GEN1: variants seen among roughly 807,000 people sequenced by gnomAD.
The protein encoded by GEN1 is flap endonuclease GEN homolog 1.
In GEN1, 64 loss-of-function variants were observed where a neutral mutation model predicts 67.6. The ratio of observed to expected loss-of-function variants is 0.95; its 90% CI spans 0.77 to 1.17. The LOEUF is 1.17. Among genes scored for constraint, GEN1 ranks in the 50% most tolerant of loss-of-function variants. The pLI is 0.00. For missense variants in GEN1, 1,058 were observed against 1,048.3 expected (o/e 1.01, Z -0.13); for synonymous variants, 371 against 359.4 (o/e 1.03, Z -0.37).
chr2:17,764,058 A>G (rs143518306), intron 3 of GEN1, among the ~76,000 whole-genome samples: 17 of 152,362 alleles, frequency 1.1e-4, no homozygotes, highest in Admixed American at 3.9e-4. Context: ...GAACTAGGCT[A>G]TAAGGCCAGA....
rs867941435 is a variant in GEN1 at position 17,778,448 on chromosome 2, A to G, written c.1264+385A>G. Among the ~76,000 whole-genome samples the G allele has an allele frequency of 7.4e-4, 56 of 75,950 alleles. 19 individuals are homozygous for G. The highest frequency in any genetic ancestry group is 1.2e-3 in the Non-Finnish European group (48 of 38,608). 49.8% of individuals were successfully genotyped at this position (75,950 alleles called of 152,430 possible). A position where few individuals can be genotyped will look rare whatever the true frequency, so the allele number is the denominator to read the frequency against. ...CATATATGTATATACACACACATATATGTGTGTACATATATGTATATACAC... is the reference window on the plus strand; with the variant it reads ...CATATATGTATATACACACACATATGTGTGTGTACATATATGTATATACAC... On this transcript the variant is annotated intron_variant, in intron 12 of 13. Transcript: ENST00000381254.
chr2:17,780,230 T>C (rs780863736), intron 13 of GEN1, 109 bp downstream of exon 13: 4 of 842,908 alleles, frequency 4.7e-6, no homozygotes, highest in Non-Finnish European at 7.4e-6. Context: ...ATCTATAAAC[T>C]CAAAAGTCAA....
chr2:17,780,334 C>G lies in GEN1; in HGVS notation c.1408+213C>G, dbSNP rs61041088. Reference sequence around the variant, plus strand: ...TCTGTTCTGTCTACTAACTTAGACACGTGTTAATAATAATAGTTATACTGA... The same window carrying G: ...TCTGTTCTGTCTACTAACTTAGACAGGTGTTAATAATAATAGTTATACTGA... On this transcript the variant is annotated intron_variant, in intron 13 of 13. Coordinates refer to ENST00000381254, the MANE Select transcript of GEN1 (RefSeq NM_001130009.3). 0.013 allele frequency among the ~76,000 whole-genome samples: 1,995 copies of G among 152,268 alleles called. 24 individuals are homozygous for G. Among genetic ancestry groups the G allele is most frequent in the African/African-American group, 0.031 (1,292 of 41,568 alleles).
At chr2:17,779,875 C>G in intron 12 of GEN1, 103 bp from the exon 13 acceptor site, 1 of 890,038 alleles carries the variant, frequency 1.1e-6, no homozygotes, top group Non-Finnish European at 1.7e-6. Flanking sequence ...CCGCCTTGGC[C>G]TCCCAAAATG....
chr2:17,767,809 G>A (rs1277138062), intron 5 of GEN1, among the ~76,000 whole-genome samples: 1 of 152,132 alleles, frequency 6.6e-6, no homozygotes, highest in Non-Finnish European at 1.5e-5. Flanking sequence ...TCTACTTAAA[G>A]ACTTTTAAGA....
Position 17,781,241 on chromosome 2 carries a change from C to T in GEN1, c.2029C>T (p.Arg677Ter), listed in dbSNP as rs749851344. The T allele has an allele frequency of 2.0e-5, 32 of 1,613,358 alleles. No homozygotes were observed. The East Asian group carries it at 4.5e-4, about 22-fold the overall frequency. The change falls in exon 14 of 14, where the codon CGA becomes TGA. Residue 677 changes from arginine (R) to a stop codon, truncating the protein, a stop_gained. Transcript: ENST00000381254. LOFTEE classifies it low-confidence loss of function (END_TRUNC). ...LCLQDLPLKE[R>*]IFTKLSYPQD... ...TCTTCAGGATTTGCCTTTAAAGGAA[C>T]GAATATTTACAAAATTATCATATCC...
chr2:17,786,639 A>G lies in GEN1; in HGVS notation c.*4700A>G, dbSNP rs1297291499. On this transcript the variant is annotated 3_prime_UTR_variant, in exon 14 of 14. Transcript: ENST00000381254. ...ATCTCCTAATTCATGAGTGAAAACA[A>G]TTCTCTGTATTTATGTTTCCATACA... is the stretch of plus-strand genomic sequence containing the variant. 6.6e-6 allele frequency: 1 copy of G among 152,204 alleles called. No homozygotes were observed. Among genetic ancestry groups the G allele is most frequent in the East Asian group, 1.9e-4 (1 of 5,194 alleles). 9.4% of individuals were successfully genotyped at this position (152,204 alleles called of 1,614,324 possible).
intron 7 of GEN1, 142 bp downstream of exon 7, chr2:17,771,429 A>C: frequency 1.6e-6 from 1 of 613,850 alleles, no homozygotes; most frequent in Non-Finnish European, 2.9e-6. Flanking sequence ...AATTCCTTGC[A>C]GTCAGTTTTG....
At chr2:17,778,200 ATATG>A (rs879235133) in intron 12 of GEN1, 137 bp downstream of exon 12, 1 of 381,700 alleles carries the variant, frequency 2.6e-6, no homozygotes, top group Non-Finnish European at 4.8e-6. Context: ...ACACACACAT[ATATG>A]TGTATATATA....
Position 17,782,712 on chromosome 2 carries a change from A to G in GEN1, c.*773A>G, listed in dbSNP as rs1163035712. 2 of 152,252 alleles carry G rather than the reference A, an allele frequency of 1.3e-5. No homozygotes were observed. Among genetic ancestry groups the G allele is most frequent in the Non-Finnish European group, 2.9e-5 (2 of 68,042 alleles). The allele number at this position is 152,252 out of a possible 1,614,324, so 9.4% of individuals were successfully genotyped here. On this transcript the variant is annotated 3_prime_UTR_variant, in exon 14 of 14. Coordinates refer to ENST00000381254, the MANE Select transcript of GEN1 (RefSeq NM_001130009.3). Reference sequence around the variant, plus strand: ...AACCAAAAGGATTAGAAACTAGCCCAGGATCACGTAGCTAACTAATAATCC... The same window carrying G: ...AACCAAAAGGATTAGAAACTAGCCCGGGATCACGTAGCTAACTAATAATCC...
intron 1 of GEN1, chr2:17,755,507 AAAT>A (rs1205550346): frequency 6.6e-6 from 1 of 152,236 alleles, no homozygotes; most frequent in Non-Finnish European, 1.5e-5. Flanking sequence ...ATTCATATGA[AAAT>A]AAAATTGAAA....
intron 6 of GEN1, among the ~76,000 whole-genome samples, chr2:17,769,891 T>A (rs749547360): frequency 6.6e-6 from 1 of 152,134 alleles, no homozygotes; most frequent in African/African-American, 2.4e-5. Context: ...CTCCAGCAGG[T>A]TCGAGATGGC....
Position 17,781,617 on chromosome 2 carries a change from C to T in GEN1, c.2405C>T (p.Ser802Phe), listed in dbSNP as rs752304758. 2.5e-6 allele frequency: 4 copies of T among 1,613,898 alleles called. No individual in the cohort carries two copies. Among genetic ancestry groups the T allele is most frequent in the African/African-American group, 2.7e-5 (2 of 74,934 alleles). Residue 802 changes from serine to phenylalanine, a missense_variant, in exon 14 of 14, where the codon TCT becomes TTT. Ser to Phe is a radical substitution (Grantham distance 155). Coordinates refer to ENST00000381254, the MANE Select transcript of GEN1 (RefSeq NM_001130009.3). ...AGTGTTTGCCTTGACAGACATTCCTCTGATGAACAAAGTGCCCCAGTGTTT... is the reference window on the plus strand; with the variant it reads ...AGTGTTTGCCTTGACAGACATTCCTTTGATGAACAAAGTGCCCCAGTGTTT... ...KKSVCLDRHS[S>F]DEQSAPVFGK...
upstream of GEN1, chr2:17,753,564 G>C (rs187116045): frequency 6.6e-6 from 1 of 152,124 alleles, no homozygotes; most frequent in Admixed American, 6.6e-5. Context: ...CAGCCAAGGG[G>C]GCAGCGGGCG....
chr2:17,769,770 A>C (rs1672101184), intron 6 of GEN1, among the ~76,000 whole-genome samples: 1 of 152,166 alleles, frequency 6.6e-6, no homozygotes, highest in Admixed American at 6.5e-5. Context: ...AAACACATGA[A>C]TTATATTTGC....
Position 17,780,040 on chromosome 2 carries a change from T to A in GEN1, c.1327T>A (p.Ser443Thr), listed in dbSNP as rs1318596403. 3 of 1,603,380 alleles carry A rather than the reference T, an allele frequency of 1.9e-6. No individual in the cohort carries two copies. In the East Asian group the frequency reaches 6.7e-5, roughly 36 times the overall value. Residue 443 changes from serine (S) to threonine (T), a missense_variant, in exon 13 of 14, where the codon TCA becomes ACA. Transcript: ENST00000381254. ...EFALLTIEEE[S>T]LFEAAYPEIV... is the part of the protein sequence containing the mutation. Reference sequence around the variant, plus strand: ...TGCTTTATTAACAATTGAGGAAGAATCATTGTTTGAAGCAGCATATCCTGA... The same window carrying A: ...TGCTTTATTAACAATTGAGGAAGAAACATTGTTTGAAGCAGCATATCCTGA...
rs2125187310 is a variant in GEN1, at chr2:17,783,690, CTTCACGT to C, written c.*1754_*1760del. 6.6e-6 allele frequency: 1 copy of C among 152,270 alleles called. No homozygotes were observed. The highest frequency in any genetic ancestry group is 2.4e-5 in the African/African-American group (1 of 41,556). 9.4% of individuals were successfully genotyped at this position (152,270 alleles called of 1,614,324 possible). A position where few individuals can be genotyped will look rare whatever the true frequency, so the allele number is the denominator to read the frequency against. On this transcript the variant is annotated 3_prime_UTR_variant, in exon 14 of 14. Coordinates refer to ENST00000381254, the MANE Select transcript of GEN1 (RefSeq NM_001130009.3). ...AGAATTGAGAATTCAGAAAAAAAGC[CTTCACGT>C]TTATGGTCAGTTGATTTTAAACCAG...
intron 12 of GEN1, 49 bp from the exon 13 acceptor site, chr2:17,779,929 T>C (rs1168273156): frequency 4.0e-6 from 6 of 1,515,024 alleles, no homozygotes; most frequent in Middle Eastern, 2.0e-4. Context: ...CGATTGAATT[T>C]TTTTAAATGC....
chr2:17,765,108 T>A (rs766241564), intron 4 of GEN1, 35 bp downstream of exon 4: 1 of 1,595,862 alleles, frequency 6.3e-7, no homozygotes, highest in South Asian at 1.1e-5. Flanking sequence ...AGCATTTGTT[T>A]ACGAACTACC....
Sources: allele counts gnomAD v4.1 joint callset (sites outside exome capture counted in the v4.1 genomes callset), GRCh38; gene constraint gnomAD v4.1.1; transcripts MANE v1.5; gene names NCBI Gene and HGNC (gene_info 2026-07-23, HGNC 2026-07-21).